The following KCNK5 variants were observed in gnomAD, a reference collection of about 807,000 sequenced individuals.
KCNK5 encodes potassium channel subfamily K member 5.
In KCNK5, 18 loss-of-function variants were observed where a neutral mutation model predicts 32.9. The ratio of observed to expected loss-of-function variants is 0.55; its 90% CI spans 0.38 to 0.81. The LOEUF (loss-of-function observed/expected upper bound fraction) is 0.81. Ranked by LOEUF, KCNK5 falls within the 30% of genes least tolerant of loss-of-function variation. The pLI is 0.00. For missense variants in KCNK5, 507 were observed against 651.0 expected, an observed-to-expected ratio of 0.78 and a Z score of 2.41; for synonymous variants, 276 against 275.3, an observed-to-expected ratio of 1.00 and a Z score of -0.03.
intron 1 of KCNK5, among the ~76,000 whole-genome samples, chr6:39,223,818 G>A (rs547866328): frequency 6.6e-6 from 1 of 152,244 alleles, no homozygotes; most frequent in East Asian, 1.9e-4. Context: ...CCAAAACCGG[G>A]GGATTTTGTT....
At chr6:39,204,732 G>A (rs1318168192) in intron 1 of KCNK5, among the ~76,000 whole-genome samples, 1 of 152,200 alleles carries the variant, frequency 6.6e-6, no homozygotes, top group Non-Finnish European at 1.5e-5. Context: ...GGACTTGAGC[G>A]CAGCCCCACC....
At chr6:39,209,061 A>C (rs894208613) in intron 1 of KCNK5, among the ~76,000 whole-genome samples, 1 of 152,104 alleles carries the variant, frequency 6.6e-6, no homozygotes, top group Non-Finnish European at 1.5e-5. Context: ...ACTGTACTCC[A>C]GCCTGGGTGA....
intron 1 of KCNK5, among the ~76,000 whole-genome samples, chr6:39,216,612 C>T (rs1195423889): frequency 2.0e-5 from 3 of 152,306 alleles, no homozygotes; most frequent in African/African-American, 7.2e-5. Flanking sequence ...GCTATGTGAC[C>T]TCCACTAAGT....
chr6:39,191,707 T>C lies in KCNK5; in HGVS notation c.683A>G (p.Glu228Gly), dbSNP rs1296993565. Residue 228 changes from glutamate to glycine, a missense_variant, in exon 5 of 5, where the codon GAG becomes GGG. Coordinates refer to ENST00000359534, the MANE Select transcript of KCNK5 (RefSeq NM_003740.4). This position sits in a 1 kb window ranked among gnomAD's most constrained non-coding sequence, Gnocchi z 5.8. ...NYHALYRYFVELWIYLGLAWL... is the reference protein window; with the variant it reads ...NYHALYRYFVGLWIYLGLAWL... ...GGCCAGCCCCAAGTAGATCCAGAGC[T>C]CCACGAAGTAGCGGTACAGGGCGTG... The C allele has an allele frequency of 6.2e-7, 1 of 1,613,736 alleles. No homozygotes were observed. Among genetic ancestry groups the C allele is most frequent in the Non-Finnish European group, 8.5e-7 (1 of 1,179,946 alleles).
chr6:39,201,872 C>T (rs1397644489), intron 1 of KCNK5, among the ~76,000 whole-genome samples: 1 of 152,174 alleles, frequency 6.6e-6, no homozygotes, highest in East Asian at 1.9e-4. Flanking sequence ...TATTACTACC[C>T]CCATCTTACA....
rs1308759723 is a variant in KCNK5, at chr6:39,191,515, C to A, written c.875G>T (p.Ser292Ile). 6.2e-7 allele frequency: 1 copy of A among 1,613,966 alleles called. No homozygotes were observed. The highest frequency in any genetic ancestry group is 8.5e-7 in the Non-Finnish European group (1 of 1,180,018). Residue 292 changes from serine (S) to isoleucine (I), a missense_variant, in exon 5 of 5, where the codon AGC (serine) becomes ATC (isoleucine). Physicochemically the swap from Ser to Ile is moderately radical, Grantham distance 142. Coordinates refer to ENST00000359534, the MANE Select transcript of KCNK5 (RefSeq NM_003740.4). The surrounding 1 kb of genome is among the most constrained non-coding windows in gnomAD (Gnocchi z 5.8). Reference sequence around the variant, plus strand: ...GGTCTCTTCCTTCTTGGAAAGAAAGCTGAAGATGTTGACGTCCTTGGAGGC... The same window carrying A: ...GGTCTCTTCCTTCTTGGAAAGAAAGATGAAGATGTTGACGTCCTTGGAGGC... ...STASKDVNIFSFLSKKEETYN... is the reference protein window; with the variant it reads ...STASKDVNIFIFLSKKEETYN...
chr6:39,204,641 G>T (rs757569722), intron 1 of KCNK5, among the ~76,000 whole-genome samples: 1 of 152,216 alleles, frequency 6.6e-6, no homozygotes, highest in Admixed American at 6.5e-5. Context: ...ATGCTGCAAA[G>T]CTCCCCCAGG....
chr6:39,198,950 G>C (rs1771078239), intron 1 of KCNK5, among the ~76,000 whole-genome samples: 2 of 152,202 alleles, frequency 1.3e-5, no homozygotes, highest in South Asian at 4.1e-4. Context: ...CTGGAACAGG[G>C]GTTCTCCACT....
chr6:39,195,975 C>G lies in KCNK5; in HGVS notation c.199G>C (p.Ala67Pro). 1 of 1,611,452 alleles carries G rather than the reference C, an allele frequency of 6.2e-7. No individual in the cohort carries two copies. Among genetic ancestry groups the G allele is most frequent in the Non-Finnish European group, 8.5e-7 (1 of 1,178,482 alleles). The change falls in exon 2 of 5, where the codon GCT becomes CCT. Residue 67 changes from alanine to proline, a missense_variant. Physicochemically the swap from Ala to Pro is conservative, Grantham distance 27. Coordinates refer to ENST00000359534, the MANE Select transcript of KCNK5 (RefSeq NM_003740.4). Reference sequence around the variant, plus strand: ...GTGATGGCCACACCCTGTCCTGCAGCATCAGATACCACCTAAAATGAGAAA... The same window carrying G: ...GTGATGGCCACACCCTGTCCTGCAGGATCAGATACCACCTAAAATGAGAAA... Reference protein sequence around the residue: ...LDKILEVVSDAAGQGVAITGN... With the variant: ...LDKILEVVSDPAGQGVAITGN...
intron 1 of KCNK5, among the ~76,000 whole-genome samples, chr6:39,206,668 C>T (rs1247669928): frequency 6.6e-6 from 1 of 152,142 alleles, no homozygotes; most frequent in Non-Finnish European, 1.5e-5. Context: ...AAGTGTGGGG[C>T]CCTCTCTGAG....
At chr6:39,219,541 AAAT>A (rs1412102741) in intron 1 of KCNK5, among the ~76,000 whole-genome samples, 1 of 152,130 alleles carries the variant, frequency 6.6e-6, no homozygotes, top group African/African-American at 2.4e-5. Context: ...CTGTTTCAAA[AAAT>A]AATAATAATA....
Position 39,194,191 on chromosome 6 carries a change from G to T in KCNK5, c.612C>A (p.Ile204=). 1.9e-6 allele frequency: 3 copies of T among 1,614,122 alleles called. No individual in the cohort carries two copies. In the South Asian group the frequency reaches 3.3e-5, roughly 18 times the overall value. ...CACCGGCCACAAAGTCACCGAAGCCGATGGTGGAGATGGTGATGAAGGAGT... is the reference window on the plus strand; with the variant it reads ...CACCGGCCACAAAGTCACCGAAGCCTATGGTGGAGATGGTGATGAAGGAGT... ...LYYSFITIST[I]GFGDFVAGVN... is the part of the protein sequence containing the mutation. Residue 204 remains isoleucine (I), a synonymous_variant, in exon 4 of 5, where the codon ATC becomes ATA. Coordinates refer to ENST00000359534, the MANE Select transcript of KCNK5 (RefSeq NM_003740.4). This position sits in a 1 kb window ranked among gnomAD's most constrained non-coding sequence, Gnocchi z 4.7.
intron 1 of KCNK5, among the ~76,000 whole-genome samples, chr6:39,218,035 C>T (rs1411105133): frequency 1.3e-5 from 2 of 150,498 alleles, no homozygotes; most frequent in Admixed American, 1.3e-4. Flanking sequence ...GTCTGCACCC[C>T]AAAATACCAT....
At chr6:39,200,417 T>C (rs569444968) in intron 1 of KCNK5, among the ~76,000 whole-genome samples, 3 of 152,280 alleles carry the variant, frequency 2.0e-5, no homozygotes, top group Admixed American at 6.5e-5. Context: ...TATGTGCCTT[T>C]AGCTCATTTA....
chr6:39,200,445 C>T (rs1207180742), intron 1 of KCNK5, among the ~76,000 whole-genome samples: 1 of 152,058 alleles, frequency 6.6e-6, no homozygotes, highest in Non-Finnish European at 1.5e-5. Flanking sequence ...CAGATTCTTG[C>T]TGGGAAGATA....
In KCNK5 at chr6:39,190,899, C is replaced by T. The variant is rs1313052020; in HGVS notation, c.1491G>A (p.Lys497=). 1 of 1,471,808 alleles carries T rather than the reference C, an allele frequency of 6.8e-7. No individual in the cohort carries two copies. The highest frequency in any genetic ancestry group is 9.0e-7 in the Non-Finnish European group (1 of 1,110,828). 91.2% of individuals were successfully genotyped at this position (1,471,808 alleles called of 1,614,324 possible). The change falls in exon 5 of 5, where the codon AAG becomes AAA. Residue 497 remains lysine, a synonymous_variant. Coordinates refer to ENST00000359534, the MANE Select transcript of KCNK5 (RefSeq NM_003740.4). ...GGGAGCCGGCCCTGCCTCATGTGCCCTTGGGGCTGTTAGCCTTGTTGTACT... is the reference window on the plus strand; with the variant it reads ...GGGAGCCGGCCCTGCCTCATGTGCCTTTGGGGCTGTTAGCCTTGTTGTACT... The part of the protein sequence containing the change: ...MNEYNKANSP[K]GT
chr6:39,213,122 T>C (rs956699565), intron 1 of KCNK5, among the ~76,000 whole-genome samples: 12 of 152,208 alleles, frequency 7.9e-5, no homozygotes, highest in African/African-American at 2.4e-4. Flanking sequence ...ACACTGTTAG[T>C]GATTACAAAA....
intron 1 of KCNK5, among the ~76,000 whole-genome samples, chr6:39,197,837 T>C (rs939577791): frequency 2.6e-5 from 4 of 152,158 alleles, no homozygotes; most frequent in African/African-American, 9.7e-5. Flanking sequence ...GAAATGATAA[T>C]TGAATCACTG....
At chr6:39,202,927 C>T (rs1254373150) in intron 1 of KCNK5, among the ~76,000 whole-genome samples, 1 of 152,188 alleles carries the variant, frequency 6.6e-6, no homozygotes, top group Non-Finnish European at 1.5e-5. Context: ...CTTACTTTCT[C>T]TGTCTGTAAA....
Sources: gnomAD v4.1 joint callset for allele counts (sites outside exome capture counted in the v4.1 genomes callset) on GRCh38, gnomAD v4.1.1 for gene constraint, Gnocchi (gnomAD v3.1) non-coding constraint, MANE v1.5 for transcripts, NCBI Gene and HGNC (gene_info 2026-07-23, HGNC 2026-07-21) for gene names.